The following C14orf132 variants were observed in gnomAD, a reference collection of about 807,000 sequenced individuals.
C14orf132 encodes uncharacterized protein C14orf132.
In C14orf132, 6 loss-of-function variants were observed where a neutral mutation model predicts 5.8. The observed-to-expected ratio is 1.03, with a 90% CI of 0.57 to 2.04. The LOEUF (loss-of-function observed/expected upper bound fraction) is 2.04. Among genes scored for constraint, C14orf132 ranks in the 30% most tolerant of loss-of-function variants. The pLI is 0.00. For synonymous variants in C14orf132, 51 were observed against 49.8 expected, an observed-to-expected ratio of 1.02 and a Z score of -0.10; for missense variants, 125 against 115.8, an observed-to-expected ratio of 1.08 and a Z score of -0.37.
At chr14:96,060,025 A>G (rs1595175964) in intron 1 of C14orf132, among the ~76,000 whole-genome samples, 1 of 152,090 alleles carries the variant, frequency 6.6e-6, no homozygotes. Flanking sequence ...TGTCCCTGGG[A>G]TGCCCCCCTC....
intron 1 of C14orf132, among the ~76,000 whole-genome samples, chr14:96,058,683 C>T (rs1406183260): frequency 6.6e-6 from 1 of 152,180 alleles, no homozygotes; most frequent in Admixed American, 6.5e-5. Flanking sequence ...AAGCAGCAGC[C>T]ACCTGGGCTC....
intron 1 of C14orf132, among the ~76,000 whole-genome samples, chr14:96,047,752 T>C (rs1193366576): frequency 1.3e-5 from 2 of 152,150 alleles, no homozygotes; most frequent in African/African-American, 4.8e-5. Flanking sequence ...ATGTTTTAAG[T>C]TCACAGAAAA....
At chr14:96,041,279 C>T (rs1886688201) in intron 1 of C14orf132, among the ~76,000 whole-genome samples, 1 of 152,166 alleles carries the variant, frequency 6.6e-6, no homozygotes, top group African/African-American at 2.4e-5. Flanking sequence ...TATTTTATCA[C>T]AGCAAATCCT....
chr14:96,069,932 C>T (rs1335373184), intron 1 of C14orf132, among the ~76,000 whole-genome samples: 8 of 152,222 alleles, frequency 5.3e-5, no homozygotes, highest in Non-Finnish European at 1.0e-4. Flanking sequence ...CAAACCTGTG[C>T]TCATTAGCAT....
chr14:96,068,750 G>T (rs1887611394), intron 1 of C14orf132, among the ~76,000 whole-genome samples: 1 of 152,138 alleles, frequency 6.6e-6, no homozygotes, highest in African/African-American at 2.4e-5. Context: ...TGCTCCAGGG[G>T]CTGTGCTGAG....
chr14:96,085,183 G>A (rs1888144646), intron 1 of C14orf132, among the ~76,000 whole-genome samples: 1 of 152,226 alleles, frequency 6.6e-6, no homozygotes, highest in South Asian at 2.1e-4. Context: ...GTGATTGAGA[G>A]TATTTTAATG....
chr14:96,039,549 G>A lies in C14orf132; in HGVS notation c.27+22G>A. On this transcript the variant is annotated intron_variant, in intron 1 of 1. Transcript: ENST00000555004. The surrounding 1 kb of genome is among the most constrained non-coding windows in gnomAD (Gnocchi z 5.3). ...GCAGGTAACGGGGCGTCCCCCCCAC[G>A]CGCCCCGGGCCGCCAAGTTTGGGGA... 2 of 1,497,180 alleles carry A rather than the reference G, an allele frequency of 1.3e-6. No individual in the cohort carries two copies. Among genetic ancestry groups the A allele is most frequent in the Non-Finnish European group, 1.8e-6 (2 of 1,125,718 alleles). The allele number at this position is 1,497,180 out of a possible 1,614,324, so 92.7% of individuals were successfully genotyped here. A position where few individuals can be genotyped will look rare whatever the true frequency, so the allele number is the denominator to read the frequency against.
chr14:96,053,277 A>T (rs1657837922), intron 1 of C14orf132, among the ~76,000 whole-genome samples: 1 of 152,198 alleles, frequency 6.6e-6, no homozygotes, highest in South Asian at 2.1e-4. Flanking sequence ...TGAGCCAGAC[A>T]CCGTTCTAGG....
chr14:96,058,201 G>C (rs969888740), intron 1 of C14orf132, among the ~76,000 whole-genome samples: 18 of 152,082 alleles, frequency 1.2e-4, no homozygotes, highest in African/African-American at 4.3e-4. Context: ...ACTTCGTGAG[G>C]CACATCCTCC....
intron 1 of C14orf132, among the ~76,000 whole-genome samples, chr14:96,074,671 G>T (rs1286601127): frequency 1.3e-5 from 2 of 151,276 alleles, no homozygotes; most frequent in African/African-American, 4.9e-5. Context: ...AGCATCATTT[G>T]TTGAAAAGAC....
Position 96,072,780 on chromosome 14 carries a change from T to A in C14orf132, c.28-13731T>A, listed in dbSNP as rs141631383. 6.0e-4 allele frequency among the ~76,000 whole-genome samples: 91 copies of A among 152,328 alleles called. 1 individual carries two copies. Among genetic ancestry groups the A allele is most frequent in the African/African-American group, 2.0e-3 (83 of 41,574 alleles). ...CTTCATTCAGTGTAACCTAATGCATTTGAGATTCACCCGTGTCATTGCGGA... is the reference window on the plus strand; with the variant it reads ...CTTCATTCAGTGTAACCTAATGCATATGAGATTCACCCGTGTCATTGCGGA... On this transcript the variant is annotated intron_variant, in intron 1 of 1. Transcript: ENST00000555004.
At chr14:96,063,881 A>G (rs1038421160) in intron 1 of C14orf132, among the ~76,000 whole-genome samples, 1 of 152,200 alleles carries the variant, frequency 6.6e-6, no homozygotes, top group Non-Finnish European at 1.5e-5. Context: ...GTAATAAAAA[A>G]AATAAACAAT....
In C14orf132 at chr14:96,091,611, G is replaced by C. The variant is rs1343647627; in HGVS notation, c.*4876G>C. ...TGGCAGATGCCCAGTGATTGTCCCC[G>C]AGCAAGTGCCAGGGTTGGGCTGAGC... On this transcript the variant is annotated 3_prime_UTR_variant, in exon 2 of 2. Coordinates refer to ENST00000555004, the MANE Select transcript of C14orf132 (RefSeq NM_001252507.3). The C allele has an allele frequency of 6.5e-6, 1 of 154,840 alleles. No homozygotes were observed. Among genetic ancestry groups the C allele is most frequent in the Non-Finnish European group, 1.4e-5 (1 of 69,952 alleles). The allele number at this position is 154,840 out of a possible 1,614,324, so 9.6% of individuals were successfully genotyped here.
At chr14:96,085,562 G>A (rs1888155749) in intron 1 of C14orf132, among the ~76,000 whole-genome samples, 1 of 152,242 alleles carries the variant, frequency 6.6e-6, no homozygotes, top group Non-Finnish European at 1.5e-5. Flanking sequence ...ATTCATGAAT[G>A]CAAACATTCT....
At position 96,087,046 on chromosome 14, in the gene C14orf132, TA is replaced by T. The variant is rs1370690863; in HGVS notation, c.*315del. On this transcript the variant is annotated 3_prime_UTR_variant, in exon 2 of 2. Coordinates refer to ENST00000555004, the MANE Select transcript of C14orf132 (RefSeq NM_001252507.3). Reference sequence around the variant, plus strand: ...ACCAGATGAGACAGCTAGTTAAGTTTAAAACATAGACATGATTTGATGATCG... The same window carrying T: ...ACCAGATGAGACAGCTAGTTAAGTTTAAACATAGACATGATTTGATGATCG... 2 of 413,308 alleles carry T rather than the reference TA, an allele frequency of 4.8e-6. No individual in the cohort carries two copies. Among genetic ancestry groups the T allele is most frequent in the Non-Finnish European group, 8.8e-6 (2 of 227,588 alleles). 25.6% of individuals were successfully genotyped at this position (413,308 alleles called of 1,614,324 possible). A position where few individuals can be genotyped will look rare whatever the true frequency, so the allele number is the denominator to read the frequency against.
At position 96,090,488 on chromosome 14, in the gene C14orf132, C is replaced by A; in HGVS notation, c.*3753C>A. 2.6e-6 allele frequency: 1 copy of A among 387,922 alleles called. No homozygotes were observed. Among genetic ancestry groups the A allele is most frequent in the Non-Finnish European group, 5.2e-6 (1 of 193,422 alleles). The allele number at this position is 387,922 out of a possible 1,614,324, so 24.0% of individuals were successfully genotyped here. ...TGAAGGTCTTTGAGAAGAGGCCAGA[C>A]GCCGCTGTAGCCAGGCCTGTCTTAA... On this transcript the variant is annotated 3_prime_UTR_variant, in exon 2 of 2. Transcript: ENST00000555004.
rs1328697201 is a variant in C14orf132 at position 96,090,700 on chromosome 14, A to G, written c.*3965A>G. On this transcript the variant is annotated 3_prime_UTR_variant, in exon 2 of 2. Transcript: ENST00000555004. ...AGATCCCCCAGGATCTGAGGGAGAA[A>G]GGATGGGAGGAGGGGCAGCAGCATT... 6.6e-6 allele frequency: 3 copies of G among 455,928 alleles called. No homozygotes were observed. Among genetic ancestry groups the G allele is most frequent in the Non-Finnish European group, 1.3e-5 (3 of 226,788 alleles). 28.2% of individuals were successfully genotyped at this position (455,928 alleles called of 1,614,324 possible).
At chr14:96,055,134 A>C (rs534611084) in intron 1 of C14orf132, among the ~76,000 whole-genome samples, 29 of 152,318 alleles carry the variant, frequency 1.9e-4, no homozygotes, top group African/African-American at 6.7e-4. Flanking sequence ...ATTATTACTC[A>C]CACCGCAGCA....
intron 1 of C14orf132, among the ~76,000 whole-genome samples, chr14:96,043,190 C>T (rs978718735): frequency 3.3e-5 from 5 of 152,162 alleles, no homozygotes; most frequent in African/African-American, 1.2e-4. Flanking sequence ...GTATTGGTGA[C>T]ATTCTGTGGC....
Sources: gnomAD v4.1 joint callset for allele counts (sites outside exome capture counted in the v4.1 genomes callset) on GRCh38, gnomAD v4.1.1 for gene constraint, Gnocchi (gnomAD v3.1) non-coding constraint, MANE v1.5 for transcripts, NCBI Gene and HGNC (gene_info 2026-07-23, HGNC 2026-07-21) for gene names.